FADS2: variants seen among roughly 807,000 people sequenced by gnomAD.
FADS2 encodes fatty acid desaturase 2, also known as acyl-CoA 6-desaturase.
In FADS2, 18 loss-of-function variants were observed where a neutral mutation model predicts 61.2. The ratio of observed to expected loss-of-function variants is 0.29; its 90% CI spans 0.20 to 0.44. FADS2 has a LOEUF of 0.44. Ranked by LOEUF, FADS2 falls within the 20% of genes least tolerant of loss-of-function variation. FADS2 has a pLI of 1.00. For missense variants in FADS2, 322 were observed against 572.7 expected (o/e 0.56, Z 4.47); for synonymous variants, 203 against 223.9 (o/e 0.91, Z 0.83).
intron 4 of FADS2, among the ~76,000 whole-genome samples, chr11:61,842,571 G>A (rs539198555): frequency 1.1e-3 from 161 of 152,126 alleles, no homozygotes; most frequent in African/African-American, 3.8e-3. Flanking sequence ...GGGAGACGGG[G>A]CCAGGACAGA....
At chr11:61,851,427 C>T (rs1160515510) in intron 5 of FADS2, among the ~76,000 whole-genome samples, 8 of 152,184 alleles carry the variant, frequency 5.3e-5, no homozygotes, top group African/African-American at 1.4e-4. Context: ...CAGTTACCAG[C>T]GGCGTTTGGA....
rs1254105760 is a variant in FADS2, at chr11:61,816,901, C to T, written c.141+475C>T. ...CGGGTTTTCAGCACCGCAGGGCAGA[C>T]CGGCGGGCCTCGCAGCGCGCGTTCC... On this transcript the variant is annotated intron_variant, in intron 1 of 11. Transcript: ENST00000257261. The surrounding 1 kb of genome is among the most constrained non-coding windows in gnomAD (Gnocchi z 7.0). 3 of 1,419,922 alleles carry T rather than the reference C, an allele frequency of 2.1e-6. No individual in the cohort carries two copies. Among genetic ancestry groups the T allele is most frequent in the South Asian group, 3.0e-5 (2 of 67,646 alleles). 88.0% of individuals were successfully genotyped at this position (1,419,922 alleles called of 1,614,324 possible).
At chr11:61,851,782 CTG>C (rs1425411966) in intron 5 of FADS2, among the ~76,000 whole-genome samples, 2 of 152,262 alleles carry the variant, frequency 1.3e-5, no homozygotes, top group African/African-American at 4.8e-5. Flanking sequence ...GCACGTGGAA[CTG>C]TGAATAGCGC....
At chr11:61,825,973 C>T, upstream of FADS2, 1 of 659,416 alleles carries the variant, frequency 1.5e-6, no homozygotes, top group African/African-American at 1.8e-5. Flanking sequence ...TTAATTCAGG[C>T]CTCCCCTCCC....
chr11:61,857,645 C>T (rs975907669), intron 7 of FADS2, 115 bp downstream of exon 7: 3 of 811,194 alleles, frequency 3.7e-6, no homozygotes, highest in East Asian at 2.5e-5. Flanking sequence ...GGGCCCCAGG[C>T]ATCTCCTCCC....
chr11:61,837,970 A>G, intron 2 of FADS2, 82 bp downstream of exon 2: 1 of 955,848 alleles, frequency 1.0e-6, no homozygotes, highest in South Asian at 1.4e-5. Flanking sequence ...CCCTTGCCCC[A>G]TGACCAGTAA....
chr11:61,849,220 A>G (rs779364580), intron 5 of FADS2, among the ~76,000 whole-genome samples: 18 of 152,184 alleles, frequency 1.2e-4, no homozygotes, highest in Non-Finnish European at 1.8e-4. Context: ...TTTAGTGGCC[A>G]GTCTAGGGTG....
intron 5 of FADS2, chr11:61,849,883 T>C (rs2067290608): frequency 6.6e-6 from 1 of 151,200 alleles, no homozygotes; most frequent in Non-Finnish European, 1.5e-5. Flanking sequence ...TACAAAAGAT[T>C]AGCCAGGTGT....
At chr11:61,840,936 A>G (rs2067212999) in intron 4 of FADS2, among the ~76,000 whole-genome samples, 1 of 152,190 alleles carries the variant, frequency 6.6e-6, no homozygotes, top group Non-Finnish European at 1.5e-5. Flanking sequence ...ACTACTCATT[A>G]TGAAGACAGG....
chr11:61,864,010 T>G, intron 10 of FADS2: 1 of 529,042 alleles, frequency 1.9e-6, no homozygotes, highest in Non-Finnish European at 3.4e-6. Flanking sequence ...GCTGTGCCAC[T>G]TGGTCATAGT....
At position 61,848,160 on chromosome 11, in the gene FADS2, G is replaced by T; in HGVS notation, c.620G>T (p.Gly207Val). Residue 207 changes from glycine to valine, a missense_variant and splice_region_variant, in exon 5 of 12, where the codon GGT (glycine) becomes GTT (valine). This residue lies in a region of FADS2 where 221 missense variants were observed against 427.9 expected (regional missense o/e 0.52). Transcript: ENST00000278840. ...ATCCCCACCCCTCTCTCCCCACAGG[G>T]TGCCTCTGCCAACTGGTGGAATCAT... ...VHKFVIGHLK[G>V]ASANWWNHRH... 1 of 1,614,132 alleles carries T rather than the reference G, an allele frequency of 6.2e-7. No homozygotes were observed. Among genetic ancestry groups the T allele is most frequent in the Non-Finnish European group, 8.5e-7 (1 of 1,180,004 alleles).
upstream of FADS2, among the ~76,000 whole-genome samples, chr11:61,826,981 T>G (rs1346261049): frequency 6.6e-6 from 1 of 152,218 alleles, no homozygotes; most frequent in Non-Finnish European, 1.5e-5. Flanking sequence ...GATTAGGGTG[T>G]GCTAGCACAC....
chr11:61,824,453 AGG>A (rs1565325242), upstream of FADS2, among the ~76,000 whole-genome samples: 24 of 3,582 alleles, frequency 6.7e-3, 1 homozygote, highest in East Asian at 0.038. Context: ...GGAGGGAGGG[AGG>A]GAGGGAGAGA....
chr11:61,820,056 C>T (rs989817740), intron 1 of FADS2, among the ~76,000 whole-genome samples: 1 of 151,758 alleles, frequency 6.6e-6, no homozygotes, highest in Admixed American at 6.6e-5. Flanking sequence ...AACTCTGTCT[C>T]TACTAAAATA....
chr11:61,858,581 T>C (rs1315071246), intron 7 of FADS2, among the ~76,000 whole-genome samples: 1 of 151,850 alleles, frequency 6.6e-6, no homozygotes, highest in Non-Finnish European at 1.5e-5. Flanking sequence ...GGGCCCATTG[T>C]AATTACGTCA....
rs1287396779 is a variant in FADS2 at position 61,840,466 on chromosome 11, G to A, written c.451G>A (p.Val151Ile). Residue 151 changes from valine to isoleucine, a missense_variant, in exon 3 of 12, where the codon GTC becomes ATC. Val to Ile is a conservative substitution (Grantham distance 29). Coordinates refer to ENST00000278840, the MANE Select transcript of FADS2 (RefSeq NM_004265.4). ...CCTGGAGAGCATTGCATGGTTCACTGTCTTTTACTTTGGCAATGGCTGGAT... is the reference window on the plus strand; with the variant it reads ...CCTGGAGAGCATTGCATGGTTCACTATCTTTTACTTTGGCAATGGCTGGAT... Reference protein sequence around the residue: ...IALESIAWFTVFYFGNGWIPT... With the variant: ...IALESIAWFTIFYFGNGWIPT... 6.2e-7 allele frequency: 1 copy of A among 1,614,196 alleles called. No individual in the cohort carries two copies.
In FADS2 at chr11:61,821,502, A is replaced by T. The variant is rs1012566393; in HGVS notation, c.141+5076A>T. ...AAATTTTGATCCATTTTAACAAAAG[A>T]TCCTAAACATAATAGTTGGCCAATA... On this transcript the variant is annotated intron_variant, in intron 1 of 11. Coordinates refer to the FADS2 transcript ENST00000257261. The T allele has an allele frequency of 7.2e-6, 5 of 693,198 alleles. No homozygotes were observed. The African/African-American group carries it at 8.9e-5, about 12-fold the overall frequency. The allele number at this position is 693,198 out of a possible 1,614,324, so 42.9% of individuals were successfully genotyped here.
chr11:61,865,777 G>T lies in FADS2; in HGVS notation c.*88G>T. ...TGGGCTTTTGTTCTGAGGGGTGTCC[G>T]AGAGGCTGGTGTATGCACTGCTCAC... On this transcript the variant is annotated 3_prime_UTR_variant, in exon 12 of 12. Coordinates refer to ENST00000278840, the MANE Select transcript of FADS2 (RefSeq NM_004265.4). This position sits in a 1 kb window ranked among gnomAD's most constrained non-coding sequence, Gnocchi z 4.1. 1.7e-6 allele frequency: 2 copies of T among 1,175,634 alleles called. No homozygotes were observed. The highest frequency in any genetic ancestry group is 2.5e-6 in the Non-Finnish European group (2 of 804,922). 72.8% of individuals were successfully genotyped at this position (1,175,634 alleles called of 1,614,324 possible). A position where few individuals can be genotyped will look rare whatever the true frequency, so the allele number is the denominator to read the frequency against.
chr11:61,865,616 T>C lies in FADS2; in HGVS notation c.1284-22T>C, dbSNP rs942017417. 1.9e-6 allele frequency: 3 copies of C among 1,611,824 alleles called. No individual in the cohort carries two copies. The South Asian group carries it at 3.3e-5, about 18-fold the overall frequency. On this transcript the variant is annotated intron_variant, in intron 11 of 11. Transcript: ENST00000278840. The surrounding 1 kb of genome is among the most constrained non-coding windows in gnomAD (Gnocchi z 4.1). ...CCACTCCCGTCCTGGTCCCTGACCCTGGTCCATCCCCAACTTTGCAGGTCC... is the reference window on the plus strand; with the variant it reads ...CCACTCCCGTCCTGGTCCCTGACCCCGGTCCATCCCCAACTTTGCAGGTCC...
Sources: allele counts gnomAD v4.1 joint callset (sites outside exome capture counted in the v4.1 genomes callset), GRCh38; gene constraint gnomAD v4.1.1; regional missense constraint gnomAD v4.1.1; non-coding constraint Gnocchi (gnomAD v3.1); transcripts MANE v1.5; gene names NCBI Gene and HGNC (gene_info 2026-07-23, HGNC 2026-07-21).